Variants in PRMT8 observed in about 807,000 individuals in gnomAD.
PRMT8 encodes protein arginine N-methyltransferase 8.
PRMT8 carries 7 observed loss-of-function variants against 47.1 expected under a neutral mutation model. The observed-to-expected ratio is 0.15, with a 90% confidence interval of 0.08 to 0.28. The LOEUF (loss-of-function observed/expected upper bound fraction) is 0.28, where lower values mean the gene tolerates loss of function less well. PRMT8 is among the 10% of genes least tolerant of loss of function. The probability of loss-of-function intolerance (pLI) is 1.00; values close to 1 mark genes in which losing one functional copy is unlikely to be tolerated. For synonymous variants in PRMT8, 188 were observed against 186.5 expected (o/e 1.01, Z -0.07); for missense variants, 237 against 505.4 (o/e 0.47, Z 5.09).
intron 1 of PRMT8, among the ~76,000 whole-genome samples, chr12:3,387,925 C>T (rs1212378884): frequency 6.6e-6 from 1 of 152,128 alleles, no homozygotes; most frequent in Non-Finnish European, 1.5e-5. Flanking sequence ...AACTAAGATA[C>T]AATAACCACA....
intron 1 of PRMT8, among the ~76,000 whole-genome samples, chr12:3,455,994 C>A (rs1864969985): frequency 6.6e-6 from 1 of 152,154 alleles, no homozygotes; most frequent in Admixed American, 6.5e-5. Flanking sequence ...TGACATAGGG[C>A]AAGTCCCTTA....
At chr12:3,439,893 CA>C (rs1419728816) in intron 1 of PRMT8, among the ~76,000 whole-genome samples, 1 of 152,172 alleles carries the variant, frequency 6.6e-6, no homozygotes, top group East Asian at 1.9e-4. Flanking sequence ...GGGTTTCAAA[CA>C]GGGCCAGAAA....
At chr12:3,590,760 T>C (rs1867281103) in intron 8 of PRMT8, among the ~76,000 whole-genome samples, 1 of 152,112 alleles carries the variant, frequency 6.6e-6, no homozygotes, top group African/African-American at 2.4e-5. Flanking sequence ...CTGGAGTACA[T>C]TGAACTCCAG....
chr12:3,451,456 G>C (rs1332190876), intron 1 of PRMT8, among the ~76,000 whole-genome samples: 1 of 152,154 alleles, frequency 6.6e-6, no homozygotes, highest in African/African-American at 2.4e-5. Flanking sequence ...GTGCAGAAAA[G>C]ATCCTTTTTA....
At chr12:3,499,382 A>G (rs1193713372) in intron 1 of PRMT8, among the ~76,000 whole-genome samples, 2 of 87,264 alleles carry the variant, frequency 2.3e-5, no homozygotes, top group African/African-American at 5.0e-5. Context: ...AGAGTGTGAT[A>G]TTCCCCTTCC....
At chr12:3,537,185 T>G (rs566966280) in intron 1 of PRMT8, among the ~76,000 whole-genome samples, 24 of 152,232 alleles carry the variant, frequency 1.6e-4, no homozygotes, top group Non-Finnish European at 3.1e-4. Context: ...GAGCTGTGGT[T>G]GTTTTGGTGG....
At chr12:3,513,774 A>G (rs1017568052) in intron 1 of PRMT8, among the ~76,000 whole-genome samples, 3 of 152,234 alleles carry the variant, frequency 2.0e-5, no homozygotes, top group Non-Finnish European at 4.4e-5. Context: ...GAATATGGGT[A>G]TAGAGAGCAT....
intron 1 of PRMT8, among the ~76,000 whole-genome samples, chr12:3,533,396 A>G (rs1866064991): frequency 6.6e-6 from 1 of 152,232 alleles, no homozygotes; most frequent in Non-Finnish European, 1.5e-5. Flanking sequence ...ATGGCTTTGA[A>G]TGTGGCCCAA....
intron 1 of PRMT8, among the ~76,000 whole-genome samples, chr12:3,510,601 C>T (rs186536102): frequency 1.1e-4 from 16 of 152,140 alleles, no homozygotes; most frequent in East Asian, 1.9e-4. Context: ...GCTCCCTACT[C>T]GAAGATGTAA....
intron 1 of PRMT8, among the ~76,000 whole-genome samples, chr12:3,395,173 C>A (rs1228937481): frequency 6.7e-6 from 1 of 150,212 alleles, no homozygotes; most frequent in Non-Finnish European, 1.5e-5. Context: ...CTCCTGGATT[C>A]ATTAATTTTT....
intron 1 of PRMT8, among the ~76,000 whole-genome samples, chr12:3,531,108 G>A (rs985884328): frequency 1.1e-4 from 16 of 152,308 alleles, no homozygotes; most frequent in African/African-American, 3.8e-4. Context: ...CATAGCATAG[G>A]TCCCACAGGG....
chr12:3,470,107 G>A (rs960015602), intron 1 of PRMT8, among the ~76,000 whole-genome samples: 7 of 152,026 alleles, frequency 4.6e-5, no homozygotes, highest in Admixed American at 3.9e-4. Flanking sequence ...GGATTATAAC[G>A]AATACACATA....
At position 3,453,494 on chromosome 12, in the gene PRMT8, C is replaced by T. The variant is rs996558730; in HGVS notation, c.48+72052C>T. ...TACTGCTGCTGGGACTGTGCGGTGCCGTAGGACATGATTTCTGACCTCAGA... is the reference window on the plus strand; with the variant it reads ...TACTGCTGCTGGGACTGTGCGGTGCTGTAGGACATGATTTCTGACCTCAGA... On this transcript the variant is annotated intron_variant, in intron 1 of 9. Coordinates refer to the PRMT8 transcript ENST00000452611. This position sits in a 1 kb window ranked among gnomAD's most constrained non-coding sequence, Gnocchi z 4.9. Among the ~76,000 whole-genome samples, 6 of 152,268 alleles carry T rather than the reference C, an allele frequency of 3.9e-5. No homozygotes were observed. The East Asian group carries it at 5.8e-4, about 15-fold the overall frequency.
At chr12:3,450,872 G>C (rs1007161990) in intron 1 of PRMT8, among the ~76,000 whole-genome samples, 1 of 152,208 alleles carries the variant, frequency 6.6e-6, no homozygotes, top group Non-Finnish European at 1.5e-5. Context: ...GCACTCAGCT[G>C]TAAACACTAT....
intron 6 of PRMT8, among the ~76,000 whole-genome samples, chr12:3,575,471 A>G (rs1331462485): frequency 6.6e-6 from 1 of 152,220 alleles, no homozygotes; most frequent in Non-Finnish European, 1.5e-5. Flanking sequence ...TCTGCACTGT[A>G]GGGAGAGAAA....
In PRMT8 at chr12:3,569,592, A is replaced by C. The variant is rs1866809361; in HGVS notation, c.712+28A>C. ...AAGTCCCCTCTTGCTTCTCCGGTGG[A>C]CTTCCACTGCACAATTGGGGTGGGA... On this transcript the variant is annotated intron_variant, in intron 6 of 9. Coordinates refer to ENST00000382622, the MANE Select transcript of PRMT8 (RefSeq NM_019854.5). The surrounding 1 kb of genome is among the most constrained non-coding windows in gnomAD (Gnocchi z 8.2). The C allele has an allele frequency of 1.3e-6, 2 of 1,590,938 alleles. No homozygotes were observed. Among genetic ancestry groups the C allele is most frequent in the East Asian group, 4.5e-5 (2 of 44,758 alleles).
chr12:3,448,729 A>G (rs1056420510), intron 1 of PRMT8, among the ~76,000 whole-genome samples: 3 of 152,138 alleles, frequency 2.0e-5, no homozygotes, highest in African/African-American at 4.8e-5. Flanking sequence ...TCTTTTTAAA[A>G]ATTTTATTTT....
chr12:3,441,083 G>T (rs1176112142), intron 1 of PRMT8, among the ~76,000 whole-genome samples: 1 of 152,092 alleles, frequency 6.6e-6, no homozygotes. Context: ...TGATATATGG[G>T]ATATTTGAAT....
At chr12:3,432,600 T>A (rs1291669249) in intron 1 of PRMT8, among the ~76,000 whole-genome samples, 2 of 150,942 alleles carry the variant, frequency 1.3e-5, no homozygotes, top group African/African-American at 2.4e-5. Context: ...AGGAGGCCGA[T>A]GGGGCTGGAA....
Sources: gnomAD v4.1 joint callset for allele counts (sites outside exome capture counted in the v4.1 genomes callset) on GRCh38, gnomAD v4.1.1 for gene constraint, Gnocchi (gnomAD v3.1) non-coding constraint, MANE v1.5 for transcripts, NCBI Gene and HGNC (gene_info 2026-07-23, HGNC 2026-07-21) for gene names.